The following TRABD2B variants were observed in gnomAD, a reference collection of about 807,000 sequenced individuals.
TRABD2B encodes TraB domain containing 2B.
Under a neutral mutation model 40.1 loss-of-function variants are expected in TRABD2B, and 14 were observed. The observed-to-expected ratio is 0.35, with a 90% CI of 0.23 to 0.55. The LOEUF (loss-of-function observed/expected upper bound fraction) is 0.55. TRABD2B is among the 20% of genes least tolerant of loss of function. The pLI, the probability that TRABD2B is intolerant of heterozygous loss-of-function variation, is 0.90. For synonymous variants in TRABD2B, 263 were observed against 277.0 expected (o/e 0.95, Z 0.50); for missense variants, 541 against 648.6 (o/e 0.83, Z 1.80).
intron 2 of TRABD2B, among the ~76,000 whole-genome samples, chr1:47,887,427 G>C (rs919387315): frequency 6.6e-6 from 1 of 152,112 alleles, no homozygotes; most frequent in Non-Finnish European, 1.5e-5. Context: ...GCTTTGAGTG[G>C]GGTGGGGCTT....
chr1:47,831,176 C>T (rs1307344459), intron 2 of TRABD2B, among the ~76,000 whole-genome samples: 1 of 151,994 alleles, frequency 6.6e-6, no homozygotes, highest in African/African-American at 2.4e-5. Context: ...TGTCTGGAGA[C>T]GGGGGGCAAA....
At chr1:47,863,038 C>T (rs1643997409) in intron 2 of TRABD2B, among the ~76,000 whole-genome samples, 1 of 151,938 alleles carries the variant, frequency 6.6e-6, no homozygotes, top group Non-Finnish European at 1.5e-5. Flanking sequence ...TAGGCACAGA[C>T]CTTACACTCT....
chr1:47,803,680 G>A (rs948932335), intron 2 of TRABD2B, among the ~76,000 whole-genome samples: 1 of 152,224 alleles, frequency 6.6e-6, no homozygotes, highest in African/African-American at 2.4e-5. Context: ...TGTATTTGCT[G>A]TTTAGCTACC....
Position 47,763,394 on chromosome 1 carries a change from G to A in TRABD2B, c.*2508C>T, listed in dbSNP as rs954882731. 1.3e-5 allele frequency: 2 copies of A among 152,188 alleles called. No individual in the cohort carries two copies. Among genetic ancestry groups the A allele is most frequent in the Non-Finnish European group, 2.9e-5 (2 of 68,050 alleles). The allele number at this position is 152,188 out of a possible 1,614,324, so 9.4% of individuals were successfully genotyped here. On this transcript the variant is annotated 3_prime_UTR_variant, in exon 7 of 7. Transcript: ENST00000606738. The stretch of plus-strand genomic sequence containing the variant: ...TTTAAACACTTGAATTAGGGTAAGG[G>A]AGAGTTTAGGATCCCCTAATATGCC...
intron 2 of TRABD2B, among the ~76,000 whole-genome samples, chr1:47,832,735 C>G (rs1645267435): frequency 6.6e-6 from 1 of 152,138 alleles, no homozygotes; most frequent in African/African-American, 2.4e-5. Flanking sequence ...AGAGAAGAAT[C>G]TGGTAGTTTC....
At chr1:47,833,059 T>A (rs1483139617) in intron 2 of TRABD2B, among the ~76,000 whole-genome samples, 1 of 152,222 alleles carries the variant, frequency 6.6e-6, no homozygotes, top group African/African-American at 2.4e-5. Flanking sequence ...TAGGATTGAC[T>A]CCCAGGCTTG....
chr1:47,820,486 C>T (rs1645091051), intron 2 of TRABD2B, among the ~76,000 whole-genome samples: 1 of 152,212 alleles, frequency 6.6e-6, no homozygotes, highest in African/African-American at 2.4e-5. Context: ...TGGGCCTGGC[C>T]TACCTCAAGC....
intron 2 of TRABD2B, among the ~76,000 whole-genome samples, chr1:47,846,979 C>A (rs564130857): frequency 1.3e-5 from 2 of 152,030 alleles, no homozygotes; most frequent in African/African-American, 4.8e-5. Context: ...GTGTCCAGAT[C>A]AAAGGATGGA....
chr1:47,949,395 T>C (rs951491354), intron 2 of TRABD2B, among the ~76,000 whole-genome samples: 10 of 136,714 alleles, frequency 7.3e-5, no homozygotes, highest in African/African-American at 2.6e-4. Context: ...GTATTTTCTT[T>C]TCTTTCTTTT....
At chr1:47,918,799 A>G (rs950160257) in intron 2 of TRABD2B, among the ~76,000 whole-genome samples, 4 of 152,228 alleles carry the variant, frequency 2.6e-5, no homozygotes, top group African/African-American at 9.6e-5. Context: ...TCAGGGCTAG[A>G]GGTAAACATA....
In TRABD2B at chr1:47,762,467, C is replaced by T. The variant is rs1644254180; in HGVS notation, c.*3435G>A. 1 of 152,332 alleles carries T rather than the reference C, an allele frequency of 6.6e-6. No individual in the cohort carries two copies. The highest frequency in any genetic ancestry group is 6.5e-5 in the Admixed American group (1 of 15,306). 9.4% of individuals were successfully genotyped at this position (152,332 alleles called of 1,614,324 possible). A position where few individuals can be genotyped will look rare whatever the true frequency, so the allele number is the denominator to read the frequency against. Reference sequence around the variant, plus strand: ...TCCTTTTGGTAGAAGGACTTTCCCTCCTCTTTGGGATCCACTGTGACAATG... The same window carrying T: ...TCCTTTTGGTAGAAGGACTTTCCCTTCTCTTTGGGATCCACTGTGACAATG... On this transcript the variant is annotated 3_prime_UTR_variant, in exon 7 of 7. Transcript: ENST00000606738.
chr1:47,776,163 G>T (rs1644444653), intron 5 of TRABD2B, among the ~76,000 whole-genome samples: 1 of 151,688 alleles, frequency 6.6e-6, no homozygotes, highest in Admixed American at 6.6e-5. Flanking sequence ...AAGTAATTAA[G>T]ATTATTAGCA....
intron 2 of TRABD2B, among the ~76,000 whole-genome samples, chr1:47,840,585 A>C (rs1645382947): frequency 6.6e-6 from 1 of 152,222 alleles, no homozygotes; most frequent in Admixed American, 6.5e-5. Flanking sequence ...GCCTGTCTTC[A>C]GGGTGGCCCT....
chr1:47,935,424 C>G (rs1414027836), intron 2 of TRABD2B, among the ~76,000 whole-genome samples: 1 of 152,222 alleles, frequency 6.6e-6, no homozygotes, highest in African/African-American at 2.4e-5. Context: ...TGTTTTGTCT[C>G]TTGCTTCATT....
chr1:47,770,284 T>C (rs1471103153), intron 6 of TRABD2B, among the ~76,000 whole-genome samples: 2 of 152,296 alleles, frequency 1.3e-5, no homozygotes, highest in East Asian at 3.9e-4. Flanking sequence ...AGTCTGGGCC[T>C]CAGCCTCTCT....
rs1177956507 is a variant in TRABD2B at position 47,870,359 on chromosome 1, T to C, written c.667-68740A>G. Among the ~76,000 whole-genome samples the C allele has an allele frequency of 2.6e-5, 4 of 152,204 alleles. No individual in the cohort carries two copies. In the South Asian group the frequency reaches 6.2e-4, roughly 24 times the overall value. On this transcript the variant is annotated intron_variant, in intron 2 of 6. Transcript: ENST00000606738. Reference sequence around the variant, plus strand: ...AAAACTGATGGGAATTCTGTGTTGCTGGTAGCTGCAGAACAGTTTACACCT... The same window carrying C: ...AAAACTGATGGGAATTCTGTGTTGCCGGTAGCTGCAGAACAGTTTACACCT...
At chr1:47,963,715 A>G (rs1328090660) in intron 2 of TRABD2B, among the ~76,000 whole-genome samples, 1 of 152,208 alleles carries the variant, frequency 6.6e-6, no homozygotes, top group Non-Finnish European at 1.5e-5. Context: ...TGTGTGGTAC[A>G]TTATGTACCC....
Position 47,815,845 on chromosome 1 carries a change from A to ATAGATAGC in TRABD2B, c.667-14227_667-14226insGCTATCTA, listed in dbSNP as rs368773309. ...GATAGATAGATAGATAGATAGATAGATAGATAGAAATAGAGTCAGGAGTGT... is the reference window on the plus strand; with the variant it reads ...GATAGATAGATAGATAGATAGATAGATAGATAGCTAGATAGAAATAGAGTCAGGAGTGT... On this transcript the variant is annotated intron_variant, in intron 2 of 6. Coordinates refer to ENST00000606738, the MANE Select transcript of TRABD2B (RefSeq NM_001194986.2). Among the ~76,000 whole-genome samples the ATAGATAGC allele has an allele frequency of 9.0e-3, 1,142 of 127,288 alleles. 46 individuals carry two copies. Among genetic ancestry groups the ATAGATAGC allele is most frequent in the Middle Eastern group, 0.014 (3 of 214 alleles). The allele number at this position is 127,288 out of a possible 152,430, so 83.5% of individuals were successfully genotyped here. A position where few individuals can be genotyped will look rare whatever the true frequency, so the allele number is the denominator to read the frequency against.
At chr1:47,774,228 G>T (rs866998982) in intron 6 of TRABD2B, among the ~76,000 whole-genome samples, 1 of 152,118 alleles carries the variant, frequency 6.6e-6, no homozygotes, top group Non-Finnish European at 1.5e-5. Context: ...AGGGTTTCGG[G>T]GGAAAATCCT....
Sources: gnomAD v4.1 joint callset for allele counts (sites outside exome capture counted in the v4.1 genomes callset) on GRCh38, gnomAD v4.1.1 for gene constraint, MANE v1.5 for transcripts, NCBI Gene and HGNC (gene_info 2026-07-23, HGNC 2026-07-21) for gene names.